DLG2: variants seen among roughly 807,000 people sequenced by gnomAD.
The protein encoded by DLG2 is discs large MAGUK scaffold protein 2.
In DLG2, 45 loss-of-function variants were observed where a neutral mutation model predicts 132.5. That is an observed-to-expected ratio of 0.34 (90% confidence interval 0.27 to 0.44). The LOEUF (loss-of-function observed/expected upper bound fraction) is 0.44. DLG2 is among the 20% of genes least tolerant of loss of function. The pLI is 1.00. For missense variants in DLG2, 1,045 were observed against 1,196.9 expected (o/e 0.87, Z 1.87); for synonymous variants, 424 against 419.6 (o/e 1.01, Z -0.13).
chr11:84,389,854 A>C (rs1482051188), intron 7 of DLG2, among the ~76,000 whole-genome samples: 1 of 152,088 alleles, frequency 6.6e-6, no homozygotes, highest in Non-Finnish European at 1.5e-5. Context: ...AACACTTCAG[A>C]TTATCTATGG....
intron 12 of DLG2, among the ~76,000 whole-genome samples, chr11:83,970,889 C>A (rs2091208623): frequency 6.6e-6 from 1 of 152,054 alleles, no homozygotes; most frequent in African/African-American, 2.4e-5. Flanking sequence ...TCTGTGTGGT[C>A]TTTTTAAAAA....
intron 11 of DLG2, among the ~76,000 whole-genome samples, chr11:84,039,675 A>G (rs1187634740): frequency 1.2e-5 from 1 of 81,000 alleles, no homozygotes; most frequent in Non-Finnish European, 3.1e-5. Flanking sequence ...TGCCGCAATA[A>G]ACATACGTGT....
intron 4 of DLG2, among the ~76,000 whole-genome samples, chr11:85,264,389 T>C (rs568467325): frequency 1.3e-5 from 2 of 152,310 alleles, no homozygotes; most frequent in East Asian, 3.9e-4. Flanking sequence ...TTTCCTTTTC[T>C]TTGGCATTTT....
intron 11 of DLG2, among the ~76,000 whole-genome samples, chr11:84,016,280 G>T (rs1040781761): frequency 1.3e-5 from 2 of 151,898 alleles, no homozygotes; most frequent in Non-Finnish European, 2.9e-5. Flanking sequence ...GGATATTAGA[G>T]CTTTGTTAGA....
chr11:84,361,041 T>C (rs1466926870), intron 7 of DLG2, among the ~76,000 whole-genome samples: 1 of 151,822 alleles, frequency 6.6e-6, no homozygotes, highest in Non-Finnish European at 1.5e-5. Flanking sequence ...ACCAGTTAAC[T>C]CGAAGAAATA....
At chr11:84,768,550 T>C (rs989834813) in intron 6 of DLG2, among the ~76,000 whole-genome samples, 2 of 152,106 alleles carry the variant, frequency 1.3e-5, no homozygotes, top group Admixed American at 6.6e-5. Flanking sequence ...AAATACTTCA[T>C]AAAATAAAAA....
intron 7 of DLG2, among the ~76,000 whole-genome samples, chr11:84,366,471 T>C (rs2098683188): frequency 6.6e-6 from 1 of 151,404 alleles, no homozygotes; most frequent in South Asian, 2.1e-4. Context: ...CAATATTAAC[T>C]TAAAATGTAA....
At chr11:83,861,731 G>T (rs1014063563) in intron 16 of DLG2, among the ~76,000 whole-genome samples, 1 of 152,122 alleles carries the variant, frequency 6.6e-6, no homozygotes, top group African/African-American at 2.4e-5. Flanking sequence ...GAAAGGTAGT[G>T]GTGGGAGGTA....
At chr11:83,620,999 G>T (rs1159072005) in intron 19 of DLG2, among the ~76,000 whole-genome samples, 1 of 150,808 alleles carries the variant, frequency 6.6e-6, no homozygotes, top group Non-Finnish European at 1.5e-5. Context: ...TAGCTATAAG[G>T]TAAGATTATA....
intron 18 of DLG2, chr11:83,682,487 A>T (rs1171345132): frequency 1.0e-6 from 1 of 969,150 alleles, no homozygotes; most frequent in Admixed American, 6.2e-5. Flanking sequence ...AACCAATAAG[A>T]TGCTTTCCCA....
At chr11:85,437,661 A>T (rs1160492121) in intron 3 of DLG2, among the ~76,000 whole-genome samples, 1 of 152,210 alleles carries the variant, frequency 6.6e-6, no homozygotes, top group African/African-American at 2.4e-5. Context: ...TTAACAGCAC[A>T]AATTTTAGAG....
chr11:85,601,554 T>C (rs1291620328), intron 2 of DLG2, among the ~76,000 whole-genome samples: 1 of 152,162 alleles, frequency 6.6e-6, no homozygotes, highest in Non-Finnish European at 1.5e-5. Flanking sequence ...TTGGCCAGGA[T>C]GGTCTTGATC....
intron 7 of DLG2, among the ~76,000 whole-genome samples, chr11:84,530,693 G>A (rs996177387): frequency 6.6e-6 from 1 of 152,188 alleles, no homozygotes; most frequent in Non-Finnish European, 1.5e-5. Context: ...CATTATTTCA[G>A]CTATTGTGGA....
At chr11:84,087,198 A>G (rs921444890) in intron 10 of DLG2, among the ~76,000 whole-genome samples, 1 of 152,084 alleles carries the variant, frequency 6.6e-6, no homozygotes, top group Admixed American at 6.6e-5. Flanking sequence ...GTCGTGTGGC[A>G]ATTCTATTTT....
intron 6 of DLG2, among the ~76,000 whole-genome samples, chr11:85,090,740 ATCACCAAAAAGT>A (rs1444756789): frequency 2.0e-5 from 3 of 152,256 alleles, no homozygotes; most frequent in African/African-American, 7.2e-5. Context: ...TAAAGCAATT[ATCACCAAAAAGT>A]GAGTCATATG....
At chr11:84,048,433 T>TA (rs1304588535) in intron 11 of DLG2, among the ~76,000 whole-genome samples, 3 of 151,638 alleles carry the variant, frequency 2.0e-5, no homozygotes, top group Admixed American at 6.6e-5. Flanking sequence ...GCCAAATAGT[T>TA]AAATTTGCTA....
chr11:83,790,081 C>T (rs977607753), intron 17 of DLG2: 133 of 1,063,586 alleles, frequency 1.3e-4, no homozygotes, highest in Non-Finnish European at 1.6e-4. Context: ...GGTACTGCAA[C>T]GAGTGTACCT....
chr11:85,030,381 C>A (rs1348777258), intron 6 of DLG2, among the ~76,000 whole-genome samples: 1 of 152,136 alleles, frequency 6.6e-6, no homozygotes, highest in Non-Finnish European at 1.5e-5. Flanking sequence ...CTTGGAATTG[C>A]TTTTTCTATA....
Position 83,479,383 on chromosome 11 carries a change from GA to G in DLG2, c.2293+4745del, listed in dbSNP as rs370088698. ...AAGTACCATGCTATAACGGGGGGGG[GA>G]AAACCTCAAACAATTCTAGTTTTCA... On this transcript the variant is annotated intron_variant, in intron 22 of 27. Transcript: ENST00000376104. Among the ~76,000 whole-genome samples, 116 of 148,726 alleles carry G rather than the reference GA, an allele frequency of 7.8e-4. 2 individuals carry two copies. The highest frequency in any genetic ancestry group is 2.6e-3 in the East Asian group (13 of 5,024).
Sources: allele counts gnomAD v4.1 joint callset (sites outside exome capture counted in the v4.1 genomes callset), GRCh38; gene constraint gnomAD v4.1.1; transcripts MANE v1.5; gene names NCBI Gene and HGNC (gene_info 2026-07-23, HGNC 2026-07-21).